Variants in ITPK1 observed in about 807,000 individuals in gnomAD.
The protein encoded by ITPK1 is inositol-tetrakisphosphate 1-kinase.
Under a neutral mutation model 45.3 loss-of-function variants are expected in ITPK1, and 21 were observed. The observed-to-expected ratio is 0.46, with a 90% CI of 0.33 to 0.67. ITPK1 has a LOEUF of 0.67. Ranked by LOEUF, ITPK1 falls within the 30% of genes least tolerant of loss-of-function variation. ITPK1 has a pLI of 0.02. For synonymous variants in ITPK1, 258 were observed against 253.6 expected (o/e 1.02, Z -0.16); for missense variants, 474 against 573.5 (o/e 0.83, Z 1.77).
intron 3 of ITPK1, among the ~76,000 whole-genome samples, chr14:93,074,034 G>A (rs1056577630): frequency 1.1e-4 from 17 of 152,212 alleles, no homozygotes; most frequent in Non-Finnish European, 1.8e-4. Context: ...GAGATCCTGC[G>A]CACAGAAGCC....
chr14:93,052,974 G>A (rs1890076975), intron 3 of ITPK1, among the ~76,000 whole-genome samples: 1 of 147,122 alleles, frequency 6.8e-6, no homozygotes, highest in Non-Finnish European at 1.5e-5. Flanking sequence ...CTATTGTGGG[G>A]TGGGGGGAGG....
chr14:93,058,760 C>T (rs1190901434), intron 3 of ITPK1, among the ~76,000 whole-genome samples: 1 of 13,146 alleles, frequency 7.6e-5, no homozygotes, highest in Non-Finnish European at 1.3e-4. Flanking sequence ...GAACGGGGTG[C>T]GGGTTACGAG....
At chr14:92,970,139 A>C (rs532708633) in intron 5 of ITPK1, among the ~76,000 whole-genome samples, 143 of 152,338 alleles carry the variant, frequency 9.4e-4, no homozygotes, top group African/African-American at 3.3e-3. Context: ...AAGTTCAGTG[A>C]CAAACAGGTG....
In ITPK1 at chr14:92,946,383, G is replaced by A. The variant is rs1887686792; in HGVS notation, c.849C>T (p.Ile283=). 5.6e-6 allele frequency: 9 copies of A among 1,613,490 alleles called. No individual in the cohort carries two copies. The highest frequency in any genetic ancestry group is 7.6e-6 in the Non-Finnish European group (9 of 1,180,020). Residue 283 remains isoleucine (I), a synonymous_variant, in exon 10 of 11, where the codon ATC becomes ATT. Transcript: ENST00000267615. ...LGVSLFGIDI[I]INNQTGQHAV... is the part of the protein sequence containing the mutation. ...CGTGCTGCCCTGTCTGGTTGTTGAT[G>A]ATGATGTCGATGCCGAAGAGTGACA...
In ITPK1 at chr14:93,063,435, C is replaced by T. The variant is rs1281208188; in HGVS notation, c.120+13160G>A. 3.3e-5 allele frequency among the ~76,000 whole-genome samples: 5 copies of T among 152,204 alleles called. No individual in the cohort carries two copies. Among genetic ancestry groups the T allele is most frequent in the Non-Finnish European group, 7.3e-5 (5 of 68,040 alleles). On this transcript the variant is annotated intron_variant, in intron 3 of 10. Coordinates refer to ENST00000267615, the MANE Select transcript of ITPK1 (RefSeq NM_014216.6). This position sits in a 1 kb window ranked among gnomAD's most constrained non-coding sequence, Gnocchi z 4.3. ...CAGAAAACCAGTGAGCTTCCCACTC[C>T]CCACAGCCCCACACAGCACACTAAG...
In ITPK1 at chr14:92,939,587, AGCCCCGCCCCC is replaced by A; in HGVS notation, c.*1963_*1973del. The A allele has an allele frequency of 3.5e-6, 2 of 577,226 alleles. No individual in the cohort carries two copies. The highest frequency in any genetic ancestry group is 4.4e-6 in the Non-Finnish European group (2 of 457,416). 35.8% of individuals were successfully genotyped at this position (577,226 alleles called of 1,614,324 possible). On this transcript the variant is annotated 3_prime_UTR_variant, in exon 11 of 11. Transcript: ENST00000267615. ...AAATGCAGCTGCCCTGCACACCCAC[AGCCCCGCCCCC>A]GCCCCACCACGGAGGCCTATGGACG... is the stretch of plus-strand genomic sequence containing the variant.
intron 4 of ITPK1, among the ~76,000 whole-genome samples, chr14:93,005,900 C>T (rs964871302): frequency 4.6e-5 from 7 of 152,128 alleles, no homozygotes; most frequent in Non-Finnish European, 1.0e-4. Flanking sequence ...AATGAGGCTG[C>T]CTGCAAAAGA....
In ITPK1 at chr14:92,939,848, A is replaced by AAAC; in HGVS notation, c.*1710_*1712dup. The AAAC allele has an allele frequency of 2.0e-6, 2 of 985,836 alleles. No homozygotes were observed. The highest frequency in any genetic ancestry group is 3.5e-5 in the African/African-American group (2 of 57,368). The allele number at this position is 985,836 out of a possible 1,614,324, so 61.1% of individuals were successfully genotyped here. On this transcript the variant is annotated 3_prime_UTR_variant, in exon 11 of 11. Transcript: ENST00000267615. Reference sequence around the variant, plus strand: ...CATAACAAACTTGAGCAACATGTGTAAACACGTGTGAAATGCGGTTTGATT... The same window carrying AAAC: ...CATAACAAACTTGAGCAACATGTGTAAACAACACGTGTGAAATGCGGTTTGATT...
chr14:93,022,881 A>C (rs934631922), intron 3 of ITPK1, among the ~76,000 whole-genome samples: 1 of 152,204 alleles, frequency 6.6e-6, no homozygotes, highest in Non-Finnish European at 1.5e-5. Context: ...AAAAACAGTA[A>C]CTGAGATGAC....
chr14:93,056,644 C>T (rs889024085), intron 3 of ITPK1, among the ~76,000 whole-genome samples: 11 of 152,190 alleles, frequency 7.2e-5, no homozygotes, highest in Non-Finnish European at 1.3e-4. Context: ...CACAGCTCTA[C>T]TTCACACCAC....
At chr14:92,945,602 G>A (rs965767638) in intron 10 of ITPK1, among the ~76,000 whole-genome samples, 1 of 152,244 alleles carries the variant, frequency 6.6e-6, no homozygotes, top group East Asian at 1.9e-4. Flanking sequence ...GAGCTGCTGC[G>A]GGAGGTAAAC....
At chr14:92,983,275 T>C (rs1179391877) in intron 5 of ITPK1, among the ~76,000 whole-genome samples, 1 of 152,134 alleles carries the variant, frequency 6.6e-6, no homozygotes, top group Non-Finnish European at 1.5e-5. Flanking sequence ...AGACGCTCAC[T>C]GTCCCTGCTC....
chr14:92,964,657 C>T (rs1052725356), intron 5 of ITPK1, among the ~76,000 whole-genome samples: 1 of 152,324 alleles, frequency 6.6e-6, no homozygotes, highest in East Asian at 1.9e-4. Context: ...CCAGCCTGGG[C>T]TCCACCCTTG....
chr14:92,961,590 C>T (rs1885074581), intron 7 of ITPK1, among the ~76,000 whole-genome samples: 1 of 152,238 alleles, frequency 6.6e-6, no homozygotes, highest in Non-Finnish European at 1.5e-5. Context: ...TCAGAGCTAA[C>T]AGCCCTCATG....
intron 5 of ITPK1, among the ~76,000 whole-genome samples, chr14:92,992,497 G>A (rs930502319): frequency 2.0e-5 from 3 of 152,186 alleles, no homozygotes; most frequent in Admixed American, 6.5e-5. Flanking sequence ...GCCTACATGG[G>A]GCACCAGCAT....
chr14:93,115,321 G>C lies in ITPK1; in HGVS notation c.-142-16C>G, dbSNP rs1483428782. The C allele has an allele frequency of 3.2e-6, 1 of 314,528 alleles. No individual in the cohort carries two copies. The highest frequency in any genetic ancestry group is 5.7e-6 in the Non-Finnish European group (1 of 175,182). 19.5% of individuals were successfully genotyped at this position (314,528 alleles called of 1,614,324 possible). On this transcript the variant is annotated splice_polypyrimidine_tract_variant and intron_variant, in intron 1 of 10. Transcript: ENST00000267615. ...GCGCGCAGTCCTGCCGCGCGGAGCG[G>C]AGCGGGGCGGGGCGCGGCGGGCGGC...
intron 3 of ITPK1, among the ~76,000 whole-genome samples, chr14:93,061,746 G>T (rs1233918867): frequency 1.3e-5 from 2 of 152,114 alleles, no homozygotes; most frequent in Admixed American, 6.5e-5. Context: ...ATCATCACAG[G>T]CTTGCCCAAA....
intron 2 of ITPK1, among the ~76,000 whole-genome samples, chr14:93,112,903 C>A (rs941437040): frequency 5.9e-5 from 9 of 152,204 alleles, no homozygotes; most frequent in Non-Finnish European, 1.0e-4. Context: ...CTCATTGGCC[C>A]TCACACCAAA....
intron 2 of ITPK1, among the ~76,000 whole-genome samples, chr14:93,081,967 C>A (rs1215475043): frequency 6.6e-6 from 1 of 152,194 alleles, no homozygotes; most frequent in African/African-American, 2.4e-5. Context: ...GGCCTCTGAT[C>A]CAGGAGGCCT....
Sources: allele counts gnomAD v4.1 joint callset (sites outside exome capture counted in the v4.1 genomes callset), GRCh38; gene constraint gnomAD v4.1.1; non-coding constraint Gnocchi (gnomAD v3.1); transcripts MANE v1.5; gene names NCBI Gene and HGNC (gene_info 2026-07-23, HGNC 2026-07-21).